The following TRIM66 variants were observed in gnomAD, a reference collection of about 807,000 sequenced individuals.
TRIM66 encodes the protein tripartite motif containing 66.
TRIM66 carries 99 observed loss-of-function variants against 148.2 expected under a neutral mutation model. The observed-to-expected ratio is 0.67, with a 90% CI of 0.57 to 0.79. TRIM66 has a LOEUF of 0.79. Among genes scored for constraint, TRIM66 ranks in the 30% least tolerant of loss-of-function variants. The pLI is 0.00. For missense variants in TRIM66, 1,666 were observed against 1,697.9 expected, an observed-to-expected ratio of 0.98 and a Z score of 0.33; for synonymous variants, 616 against 635.9, an observed-to-expected ratio of 0.97 and a Z score of 0.47.
chr11:8,653,037 G>A (rs2037501180), intron 6 of TRIM66, among the ~76,000 whole-genome samples: 1 of 152,124 alleles, frequency 6.6e-6, no homozygotes, highest in Admixed American at 6.5e-5. Context: ...AAATCACATG[G>A]TCCTCCATGA....
chr11:8,672,506 G>C, intron 4 of TRIM66, 121 bp from the exon 5 acceptor site: 1 of 1,122,352 alleles, frequency 8.9e-7, no homozygotes, highest in Non-Finnish European at 1.2e-6. Context: ...AAACCAAGAG[G>C]GACAGGCTGA....
chr11:8,628,372 G>A (rs2035054862), intron 15 of TRIM66, among the ~76,000 whole-genome samples: 1 of 151,834 alleles, frequency 6.6e-6, no homozygotes, highest in Non-Finnish European at 1.5e-5. Context: ...CAGCACTTTG[G>A]GAGACCGAGG....
chr11:8,636,309 T>C (rs937860474), intron 15 of TRIM66, among the ~76,000 whole-genome samples: 8 of 148,440 alleles, frequency 5.4e-5, no homozygotes, highest in East Asian at 2.1e-4. Flanking sequence ...TCTCATCAAC[T>C]AAACTCTTTC....
At chr11:8,659,658 C>G in intron 6 of TRIM66, among the ~76,000 whole-genome samples, 1 of 152,150 alleles carries the variant, frequency 6.6e-6, no homozygotes, top group East Asian at 1.9e-4. Flanking sequence ...TCTACCAAAC[C>G]CAAATCTCTT....
At chr11:8,626,885 T>C (rs574716507) in intron 15 of TRIM66, among the ~76,000 whole-genome samples, 1 of 152,266 alleles carries the variant, frequency 6.6e-6, no homozygotes, top group East Asian at 1.9e-4. Context: ...TCCTGAAACA[T>C]ACCAAGCTCT....
In TRIM66 at chr11:8,622,873, C is replaced by T. The variant is rs922460912; in HGVS notation, c.3023G>A (p.Cys1008Tyr). ...TAGGGCTCCTTGTTCAAAATTCTCA[C>T]ACTCTAAGGCAAAAGACAAACAAAT... ...ALQQYQNPKE[C>Y]ENFEQGALEL... Residue 1008 changes from cysteine to tyrosine, a missense_variant, in exon 18 of 25, where the codon TGT (cysteine) becomes TAT (tyrosine). Cys to Tyr is a radical substitution (Grantham distance 194). Coordinates refer to ENST00000646038, the MANE Select transcript of TRIM66 (RefSeq NM_001388022.1). The T allele has an allele frequency of 1.3e-6, 2 of 1,551,844 alleles. No individual in the cohort carries two copies. Among genetic ancestry groups the T allele is most frequent in the African/African-American group, 2.7e-5 (2 of 73,034 alleles).
At chr11:8,630,856 C>T (rs1002410559) in intron 15 of TRIM66, among the ~76,000 whole-genome samples, 5 of 152,190 alleles carry the variant, frequency 3.3e-5, no homozygotes, top group East Asian at 3.8e-4. Flanking sequence ...GCCTGACCTA[C>T]GACTTCCCTG....
intron 6 of TRIM66, among the ~76,000 whole-genome samples, chr11:8,656,737 G>C (rs1490639906): frequency 1.3e-5 from 2 of 152,182 alleles, no homozygotes; most frequent in African/African-American, 2.4e-5. Context: ...CCCTTCCCCT[G>C]TGGCTGAGCC....
chr11:8,630,185 G>A (rs767834844), intron 15 of TRIM66, among the ~76,000 whole-genome samples: 3 of 152,200 alleles, frequency 2.0e-5, no homozygotes, highest in Non-Finnish European at 2.9e-5. Context: ...CAGGGCCTGG[G>A]AGGAGAGGAA....
chr11:8,640,762 A>G lies in TRIM66; in HGVS notation c.1613T>C (p.Val538Ala). ...LQPWLETQPP[V>A]EQESTSQRLG... ...CCGCTGGGATGTGCTCTCCTGCTCC[A>G]CGGGGGGCTGGGTTTCCAGCCAGGG... is the stretch of plus-strand genomic sequence containing the variant. The change falls in exon 14 of 25, where the codon GTG (valine) becomes GCG (alanine). Residue 538 changes from valine (V) to alanine (A), a missense_variant. Around this residue, in one of 3 missense-constraint regions of TRIM66, gnomAD observed 1,431 missense variants for 1,412.4 expected, o/e 1.01. Transcript: ENST00000646038. 6.4e-7 allele frequency: 1 copy of G among 1,551,292 alleles called. No homozygotes were observed. The highest frequency in any genetic ancestry group is 8.7e-7 in the Non-Finnish European group (1 of 1,146,986).
Position 8,681,194 on chromosome 11 carries a change from C to T in TRIM66, c.-547-1131G>A, listed in dbSNP as rs375965891. 1.6e-3 allele frequency among the ~76,000 whole-genome samples: 240 copies of T among 149,850 alleles called. 3 individuals carry two copies. Among genetic ancestry groups the T allele is most frequent in the Admixed American group, 4.0e-4 (6 of 14,934 alleles). On this transcript the variant is annotated intron_variant, in intron 1 of 24. Transcript: ENST00000646038. ...TGTCGCCCAGGCTGCAGTGCAGTGGCGCGATCTCGGTTCACTACAAGCTCC... is the reference window on the plus strand; with the variant it reads ...TGTCGCCCAGGCTGCAGTGCAGTGGTGCGATCTCGGTTCACTACAAGCTCC...
chr11:8,680,391 CAG>C (rs776989843), intron 1 of TRIM66, among the ~76,000 whole-genome samples: 2 of 152,056 alleles, frequency 1.3e-5, no homozygotes, highest in African/African-American at 2.4e-5. Context: ...AGAATGCAGG[CAG>C]AGTGAACAAA....
intron 12 of TRIM66, among the ~76,000 whole-genome samples, chr11:8,644,639 C>G (rs1409224902): frequency 6.6e-6 from 1 of 152,194 alleles, no homozygotes; most frequent in African/African-American, 2.4e-5. Flanking sequence ...CCCCTCCTCT[C>G]TATCTTCAAC....
intron 17 of TRIM66, 39 bp from the exon 18 acceptor site, chr11:8,622,915 T>G: frequency 6.5e-7 from 1 of 1,533,988 alleles, no homozygotes; most frequent in Non-Finnish European, 8.8e-7. Context: ...GACACACATT[T>G]GTGGCAACAA....
intron 12 of TRIM66, among the ~76,000 whole-genome samples, chr11:8,644,728 C>T (rs569912006): frequency 2.0e-5 from 3 of 152,268 alleles, no homozygotes; most frequent in Non-Finnish European, 4.4e-5. Flanking sequence ...TCTTCTCAGG[C>T]TATGTTTTTA....
intron 6 of TRIM66, among the ~76,000 whole-genome samples, chr11:8,662,708 A>G (rs962660655): frequency 6.6e-6 from 1 of 152,252 alleles, no homozygotes; most frequent in Non-Finnish European, 1.5e-5. Context: ...TAAGTATCAA[A>G]GTCTTCCAGC....
chr11:8,645,450 T>C (rs1361788406), intron 12 of TRIM66, among the ~76,000 whole-genome samples: 1 of 152,150 alleles, frequency 6.6e-6, no homozygotes, highest in African/African-American at 2.4e-5. Flanking sequence ...TCTGAATCAA[T>C]TACCTATGAC....
At chr11:8,645,456 A>G (rs745862554) in intron 12 of TRIM66, among the ~76,000 whole-genome samples, 9 of 152,170 alleles carry the variant, frequency 5.9e-5, no homozygotes, top group Non-Finnish European at 1.2e-4. Context: ...TCAATTACCT[A>G]TGACAAAGAA....
chr11:8,634,831 T>C (rs2035739035), intron 15 of TRIM66, among the ~76,000 whole-genome samples: 1 of 152,214 alleles, frequency 6.6e-6, no homozygotes, highest in Middle Eastern at 3.2e-3. Context: ...AGTCCTCTTT[T>C]GGTGAAATAC....
Sources: allele counts gnomAD v4.1 joint callset (sites outside exome capture counted in the v4.1 genomes callset), GRCh38; gene constraint gnomAD v4.1.1; regional missense constraint gnomAD v4.1.1; transcripts MANE v1.5; gene names NCBI Gene and HGNC (gene_info 2026-07-23, HGNC 2026-07-21).